WWP1: variants seen among roughly 807,000 people sequenced by gnomAD.
WWP1 encodes the protein NEDD4-like E3 ubiquitin-protein ligase WWP1.
In WWP1, 49 loss-of-function variants were observed where a neutral mutation model predicts 130.6. The observed-to-expected ratio is 0.38, with a 90% CI of 0.30 to 0.48. The LOEUF is 0.48. Ranked by LOEUF, WWP1 falls within the 20% of genes least tolerant of loss-of-function variation. The probability of loss-of-function intolerance (pLI) is 0.99; values close to 1 mark genes in which losing one functional copy is unlikely to be tolerated. For synonymous variants in WWP1, 332 were observed against 367.8 expected (o/e 0.90, Z 1.11); for missense variants, 809 against 1,100.6 (o/e 0.74, Z 3.75).
chr8:86,464,008 C>A (rs1203085582), intron 24 of WWP1, among the ~76,000 whole-genome samples: 1 of 151,888 alleles, frequency 6.6e-6, no homozygotes, highest in Non-Finnish European at 1.5e-5. Flanking sequence ...CTGCAGTGAT[C>A]CATGATCACA....
chr8:86,410,011 A>G (rs1181380777), intron 8 of WWP1, among the ~76,000 whole-genome samples: 3 of 152,178 alleles, frequency 2.0e-5, no homozygotes, highest in Non-Finnish European at 4.4e-5. Context: ...TTTGTTTTGA[A>G]AATAATCATA....
chr8:86,372,382 A>T (rs1824368283), intron 2 of WWP1, among the ~76,000 whole-genome samples: 1 of 151,232 alleles, frequency 6.6e-6, no homozygotes. Flanking sequence ...CGGGTCTTGA[A>T]CTCCTGACCT....
At chr8:86,406,635 C>T (rs1386486104) in intron 8 of WWP1, among the ~76,000 whole-genome samples, 1 of 152,202 alleles carries the variant, frequency 6.6e-6, no homozygotes, top group Non-Finnish European at 1.5e-5. Context: ...AGCTTGTTCA[C>T]ATTTCACCAT....
intron 3 of WWP1, among the ~76,000 whole-genome samples, chr8:86,379,860 T>C (rs1185225611): frequency 6.6e-6 from 1 of 152,194 alleles, no homozygotes; most frequent in Non-Finnish European, 1.5e-5. Context: ...CACTTTTCCC[T>C]TGATCTTTAA....
intron 7 of WWP1, among the ~76,000 whole-genome samples, chr8:86,400,979 A>G (rs1807943920): frequency 6.6e-6 from 1 of 151,062 alleles, no homozygotes; most frequent in Non-Finnish European, 1.5e-5. Context: ...GGTCACTTAC[A>G]TGATAATTTC....
Position 86,411,540 on chromosome 8 carries a change from A to C in WWP1, c.727A>C (p.Asn243His), listed in dbSNP as rs1258854125. 1.2e-6 allele frequency: 2 copies of C among 1,608,472 alleles called. No individual in the cohort carries two copies. The highest frequency in any genetic ancestry group is 3.4e-5 in the Admixed American group (2 of 59,504). The change falls in exon 9 of 25, where the codon AAT becomes CAT. Residue 243 changes from asparagine (N) to histidine (H), a missense_variant and splice_region_variant. Asn to His is a moderately conservative substitution (Grantham distance 68). Transcript: ENST00000517970. ...TTTTATTAATTTTCCCTTCTCAGTTAATGGAGAATCATCCTCATTTGCACC... is the reference window on the plus strand; with the variant it reads ...TTTTATTAATTTTCCCTTCTCAGTTCATGGAGAATCATCCTCATTTGCACC... The part of the protein sequence containing the change: ...LASEPADDTV[N>H]GESSSFAPTD...
intron 1 of WWP1, among the ~76,000 whole-genome samples, chr8:86,348,305 G>A (rs770031722): frequency 7.3e-5 from 11 of 151,672 alleles, no homozygotes; most frequent in African/African-American, 1.2e-4. Context: ...TGCAGCTTCC[G>A]CCTCCTGGGT....
intron 9 of WWP1, among the ~76,000 whole-genome samples, chr8:86,422,469 C>T (rs1199154662): frequency 1.3e-5 from 2 of 151,708 alleles, no homozygotes; most frequent in African/African-American, 4.8e-5. Flanking sequence ...AAGCAGTTAT[C>T]GTGCATCAGC....
chr8:86,359,827 A>G (rs1280535583), intron 1 of WWP1, among the ~76,000 whole-genome samples: 1 of 152,076 alleles, frequency 6.6e-6, no homozygotes, highest in Non-Finnish European at 1.5e-5. Flanking sequence ...AGGCGGGCGG[A>G]TCACGAGGTC....
intron 1 of WWP1, among the ~76,000 whole-genome samples, chr8:86,356,533 T>G (rs989598754): frequency 2.0e-5 from 3 of 151,840 alleles, no homozygotes; most frequent in African/African-American, 7.2e-5. Flanking sequence ...TATAGCAAAT[T>G]AAAAGAAAAA....
rs1379440133 is a variant in WWP1 at position 86,342,697 on chromosome 8, G to T, written c.-348G>T. ...GGGAGGTGTGGGGTCGGCTGGGGGTGGCGCGTGGACGGGGTGGGGGTGGGG... is the reference window on the plus strand; with the variant it reads ...GGGAGGTGTGGGGTCGGCTGGGGGTTGCGCGTGGACGGGGTGGGGGTGGGG... On this transcript the variant is annotated 5_prime_UTR_variant, in exon 1 of 25. Transcript: ENST00000517970. 3.2e-6 allele frequency: 1 copy of T among 315,654 alleles called. No individual in the cohort carries two copies. Among genetic ancestry groups the T allele is most frequent in the Non-Finnish European group, 5.7e-6 (1 of 176,008 alleles). The allele number at this position is 315,654 out of a possible 1,614,324, so 19.6% of individuals were successfully genotyped here.
At chr8:86,443,671 T>G (rs1227786166) in intron 18 of WWP1, among the ~76,000 whole-genome samples, 1 of 152,184 alleles carries the variant, frequency 6.6e-6, no homozygotes, top group African/African-American at 2.4e-5. Context: ...ATAGATATAT[T>G]CTGAAGGAAA....
At chr8:86,351,299 C>T (rs1232522032) in intron 1 of WWP1, among the ~76,000 whole-genome samples, 2 of 152,152 alleles carry the variant, frequency 1.3e-5, no homozygotes, top group East Asian at 1.9e-4. Context: ...GTTCTAGCTT[C>T]GTTTTGGCAT....
chr8:86,450,498 A>T (rs549703139), intron 20 of WWP1, among the ~76,000 whole-genome samples: 9 of 152,148 alleles, frequency 5.9e-5, no homozygotes, highest in African/African-American at 2.2e-4. Flanking sequence ...CTAAGTGGTT[A>T]AAAAAAATGC....
chr8:86,438,760 TTG>T (rs754625801), intron 17 of WWP1, 87 bp downstream of exon 17: 5 of 1,122,514 alleles, frequency 4.5e-6, no homozygotes, highest in Non-Finnish European at 6.1e-6. Context: ...TGTGAATATA[TTG>T]TATTAAATTT....
At chr8:86,384,639 G>A (rs1345870691) in intron 5 of WWP1, among the ~76,000 whole-genome samples, 1 of 152,156 alleles carries the variant, frequency 6.6e-6, no homozygotes, top group African/African-American at 2.4e-5. Context: ...TGGACTCTGA[G>A]TTTTAGTTGG....
rs538602457 is a variant in WWP1, at chr8:86,427,731, T to A, written c.1246T>A (p.Ser416Thr). 1.1e-5 allele frequency: 17 copies of A among 1,614,108 alleles called. No individual in the cohort carries two copies. The East Asian group carries it at 3.8e-4, about 36-fold the overall frequency. The stretch of plus-strand genomic sequence containing the variant: ...AACGTGGCAGCGGCCTACCATGGAA[T>A]CTGTCCGAAATTTTGAACAGTGGCA... The part of the protein sequence containing the change: ...TTTWQRPTME[S>T]VRNFEQWQSQ... The change falls in exon 11 of 25, where the codon TCT becomes ACT. Residue 416 changes from serine (S) to threonine (T), a missense_variant. Coordinates refer to ENST00000517970, the MANE Select transcript of WWP1 (RefSeq NM_007013.4).
intron 1 of WWP1, among the ~76,000 whole-genome samples, chr8:86,360,976 G>A (rs751281687): frequency 6.6e-6 from 1 of 152,190 alleles, no homozygotes; most frequent in Non-Finnish European, 1.5e-5. Context: ...GGGTAATTAG[G>A]TTGAGGAATG....
intron 16 of WWP1, among the ~76,000 whole-genome samples, chr8:86,438,116 A>G (rs1810399687): frequency 6.6e-6 from 1 of 152,198 alleles, no homozygotes; most frequent in South Asian, 2.1e-4. Context: ...CTGTATTCTT[A>G]TAATAAAGTA....
Sources: gnomAD v4.1 joint callset for allele counts (sites outside exome capture counted in the v4.1 genomes callset) on GRCh38, gnomAD v4.1.1 for gene constraint, MANE v1.5 for transcripts, NCBI Gene and HGNC (gene_info 2026-07-23, HGNC 2026-07-21) for gene names.